COX10: variants seen among roughly 807,000 people sequenced by gnomAD.
COX10 encodes the protein cytochrome c oxidase assembly factor heme A:farnesyltransferase COX10, also known as protoheme IX farnesyltransferase, mitochondrial.
Under a neutral mutation model 37.3 loss-of-function variants are expected in COX10, and 27 were observed. That is an observed-to-expected ratio of 0.72 (90% CI 0.53 to 1.00). The LOEUF (loss-of-function observed/expected upper bound fraction) is 1.00. Ranked by LOEUF, COX10 falls within the 50% of genes least tolerant of loss-of-function variation. The pLI is 0.00. For missense variants in COX10, 475 were observed against 563.2 expected (o/e 0.84, Z 1.59); for synonymous variants, 222 against 229.1 (o/e 0.97, Z 0.28).
chr17:14,152,468 C>T (rs1302567602), intron 4 of COX10, among the ~76,000 whole-genome samples: 3 of 152,148 alleles, frequency 2.0e-5, no homozygotes, highest in Non-Finnish European at 4.4e-5. Flanking sequence ...TCCCACAACA[C>T]GTGGAAATTA....
chr17:14,077,625 T>G (rs577615979), intron 3 of COX10, among the ~76,000 whole-genome samples: 1 of 152,344 alleles, frequency 6.6e-6, no homozygotes, highest in Non-Finnish European at 1.5e-5. Flanking sequence ...GATTTGGTTG[T>G]CACAGTCACC....
chr17:14,078,671 G>A (rs1448469800), intron 3 of COX10, among the ~76,000 whole-genome samples: 1 of 151,986 alleles, frequency 6.6e-6, no homozygotes, highest in Non-Finnish European at 1.5e-5. Context: ...TTTGTCCTCC[G>A]CCCCGCTTAC....
intron 5 of COX10, among the ~76,000 whole-genome samples, chr17:14,169,783 T>A (rs1485987408): frequency 6.6e-6 from 1 of 152,194 alleles, no homozygotes; most frequent in Non-Finnish European, 1.5e-5. Context: ...TTGGTTTGGA[T>A]GTGGTTTGTT....
At chr17:14,069,681 G>A (rs1567583904) in intron 1 of COX10, 33 bp downstream of exon 1, 6 of 1,613,622 alleles carry the variant, frequency 3.7e-6, no homozygotes, top group Non-Finnish European at 5.1e-6. Flanking sequence ...GACCTTGGGG[G>A]AAATTCTTCT....
intron 5 of COX10, among the ~76,000 whole-genome samples, chr17:14,165,123 T>G (rs542605267): frequency 3.9e-4 from 60 of 152,368 alleles, no homozygotes; most frequent in Non-Finnish European, 5.3e-4. Flanking sequence ...TGGCATTGCT[T>G]CTTTTGCTTA....
At chr17:14,089,584 A>G (rs1915480636) in intron 3 of COX10, among the ~76,000 whole-genome samples, 1 of 152,218 alleles carries the variant, frequency 6.6e-6, no homozygotes, top group African/African-American at 2.4e-5. Context: ...GAAGAAGTTG[A>G]AGAACACCGT....
chr17:14,090,444 TAA>T lies in COX10; in HGVS notation c.500-11669_500-11668del, dbSNP rs547151207. Among the ~76,000 whole-genome samples the T allele has an allele frequency of 1.2e-3, 187 of 152,264 alleles. 1 individual carries two copies. Among genetic ancestry groups the T allele is most frequent in the African/African-American group, 4.1e-3 (172 of 41,570 alleles). Reference sequence around the variant, plus strand: ...AAAGTTTTAAATTTACTAGTAGCTTTAAAAAATATATTAAATAAGAAGGAAGA... The same window carrying T: ...AAAGTTTTAAATTTACTAGTAGCTTTAAAATATATTAAATAAGAAGGAAGA... On this transcript the variant is annotated intron_variant, in intron 3 of 6. Transcript: ENST00000261643.
At chr17:14,072,423 G>A (rs971243227) in intron 1 of COX10, among the ~76,000 whole-genome samples, 8 of 152,122 alleles carry the variant, frequency 5.3e-5, no homozygotes, top group African/African-American at 1.9e-4. Flanking sequence ...GTTTCACTGT[G>A]TTGGCCAGGA....
At chr17:14,169,410 C>G (rs1905389128) in intron 5 of COX10, among the ~76,000 whole-genome samples, 1 of 152,134 alleles carries the variant, frequency 6.6e-6, no homozygotes. Context: ...TCAAATTTTT[C>G]CAAGCCCTGC....
intron 5 of COX10, among the ~76,000 whole-genome samples, chr17:14,167,886 C>T (rs1036117470): frequency 6.6e-6 from 1 of 152,158 alleles, no homozygotes; most frequent in African/African-American, 2.4e-5. Context: ...ATCATTCCAC[C>T]CCTGGCTCCT....
chr17:14,095,079 C>A (rs1915614567), intron 3 of COX10, among the ~76,000 whole-genome samples: 1 of 152,144 alleles, frequency 6.6e-6, no homozygotes, highest in African/African-American at 2.4e-5. Flanking sequence ...GAAGTTGATT[C>A]TGACTTAATT....
At chr17:14,085,588 T>C (rs1915392365) in intron 3 of COX10, among the ~76,000 whole-genome samples, 1 of 152,210 alleles carries the variant, frequency 6.6e-6, no homozygotes, top group Non-Finnish European at 1.5e-5. Flanking sequence ...TTATTTTTGT[T>C]GGGTATATAG....
intron 1 of COX10, among the ~76,000 whole-genome samples, chr17:14,073,738 T>G (rs575947599): frequency 3.6e-4 from 55 of 152,056 alleles, no homozygotes; most frequent in Non-Finnish European, 7.4e-4. Context: ...GAGGCTTGAG[T>G]AGGAGGAGGA....
At chr17:14,165,519 A>C (rs755276553) in intron 5 of COX10, among the ~76,000 whole-genome samples, 4 of 152,188 alleles carry the variant, frequency 2.6e-5, no homozygotes, top group Admixed American at 6.5e-5. Context: ...TGCTCCACCA[A>C]CTGGCAGTTT....
intron 3 of COX10, among the ~76,000 whole-genome samples, chr17:14,090,158 A>T (rs1290708947): frequency 6.6e-6 from 1 of 151,970 alleles, no homozygotes; most frequent in Non-Finnish European, 1.5e-5. Context: ...AGAGAATGTT[A>T]TCTGAATCAC....
chr17:14,122,080 G>A (rs139554504), intron 4 of COX10, among the ~76,000 whole-genome samples: 73 of 152,258 alleles, frequency 4.8e-4, no homozygotes, highest in African/African-American at 1.6e-3. Context: ...AGCCATTGAA[G>A]TGGGCAAAGC....
In COX10 at chr17:14,073,669, A is replaced by T. The variant is rs544977606; in HGVS notation, c.44-654A>T. On this transcript the variant is annotated intron_variant, in intron 1 of 6. Coordinates refer to ENST00000261643, the MANE Select transcript of COX10 (RefSeq NM_001303.4). ...ACTGAGAAATAGAATGCAGAGAACCAGGAACACTTAGTGTCATGGAAGCCT... is the reference window on the plus strand; with the variant it reads ...ACTGAGAAATAGAATGCAGAGAACCTGGAACACTTAGTGTCATGGAAGCCT... Among the ~76,000 whole-genome samples the T allele has an allele frequency of 2.6e-5, 4 of 152,340 alleles. No homozygotes were observed. The East Asian group carries it at 5.8e-4, about 22-fold the overall frequency.
intron 4 of COX10, among the ~76,000 whole-genome samples, chr17:14,124,995 C>T (rs1445989325): frequency 6.6e-6 from 1 of 151,972 alleles, no homozygotes; most frequent in Admixed American, 6.6e-5. Flanking sequence ...GAGTGAAATC[C>T]AATAAAAAAT....
chr17:14,101,608 G>A (rs74580002), intron 3 of COX10, among the ~76,000 whole-genome samples: 3 of 152,226 alleles, frequency 2.0e-5, no homozygotes, highest in East Asian at 1.9e-4. Context: ...CTCCCACTAC[G>A]CATTCTCTGA....
Sources: allele counts gnomAD v4.1 joint callset (sites outside exome capture counted in the v4.1 genomes callset), GRCh38; gene constraint gnomAD v4.1.1; transcripts MANE v1.5; gene names NCBI Gene and HGNC (gene_info 2026-07-23, HGNC 2026-07-21).